The following TMEM132C variants were observed in gnomAD, a reference collection of about 807,000 sequenced individuals.
TMEM132C encodes protein phosphatase 1, regulatory subunit 152.
A neutral mutation model predicts 61.4 loss-of-function variants in TMEM132C; 29 were observed. That is an observed-to-expected ratio of 0.47 (90% confidence interval 0.35 to 0.64). The LOEUF is 0.64. Ranked by LOEUF, TMEM132C falls within the 30% of genes least tolerant of loss-of-function variation. The pLI is 0.00. For missense variants in TMEM132C, 1,408 were observed against 1,476.9 expected (o/e 0.95, Z 0.76); for synonymous variants, 656 against 633.1 (o/e 1.04, Z -0.54).
intron 1 of TMEM132C, among the ~76,000 whole-genome samples, chr12:128,348,287 T>C (rs541283086): frequency 6.6e-6 from 1 of 152,276 alleles, no homozygotes; most frequent in Non-Finnish European, 1.5e-5. Context: ...TTGTGTATCC[T>C]GTAACTCTAC....
At position 128,415,702 on chromosome 12, in the gene TMEM132C, GGAAGCATC is replaced by G. The variant is rs1478339237; in HGVS notation, c.974+85_974+92del. ...TCCATGCGTGGCAGATAGATATTCA[GGAAGCATC>G]GATTTTCACTACCTTCAGGGACCGT... On this transcript the variant is annotated intron_variant, in intron 2 of 8. Coordinates refer to ENST00000435159, the MANE Select transcript of TMEM132C (RefSeq NM_001136103.3). This position sits in a 1 kb window ranked among gnomAD's most constrained non-coding sequence, Gnocchi z 5.8. 29 of 1,415,418 alleles carry G rather than the reference GGAAGCATC, an allele frequency of 2.0e-5. No homozygotes were observed. Among genetic ancestry groups the G allele is most frequent in the Non-Finnish European group, 2.7e-5 (29 of 1,069,102 alleles). 87.7% of individuals were successfully genotyped at this position (1,415,418 alleles called of 1,614,324 possible).
intron 2 of TMEM132C, among the ~76,000 whole-genome samples, chr12:128,434,522 A>G (rs2136041201): frequency 6.6e-6 from 1 of 152,220 alleles, no homozygotes; most frequent in Admixed American, 6.5e-5. Flanking sequence ...TCCTGACCTC[A>G]AGTGATCCGC....
At chr12:128,595,671 G>T (rs1875917242) in intron 3 of TMEM132C, among the ~76,000 whole-genome samples, 2 of 152,218 alleles carry the variant, frequency 1.3e-5, no homozygotes, top group South Asian at 4.1e-4. Flanking sequence ...AGCTGCCTTT[G>T]CCAGGGCCTC....
At chr12:128,596,062 C>T (rs558833489) in intron 3 of TMEM132C, among the ~76,000 whole-genome samples, 1 of 152,214 alleles carries the variant, frequency 6.6e-6, no homozygotes, top group East Asian at 1.9e-4. Flanking sequence ...CTGGGCTGCC[C>T]CTTTTGCAGG....
intron 1 of TMEM132C, among the ~76,000 whole-genome samples, chr12:128,291,109 G>C (rs539795615): frequency 5.3e-5 from 8 of 152,250 alleles, no homozygotes; most frequent in Non-Finnish European, 1.0e-4. Context: ...TGGATGACCC[G>C]AGCAGCACAG....
chr12:128,527,634 G>T (rs1356743871), intron 2 of TMEM132C, among the ~76,000 whole-genome samples: 1 of 152,134 alleles, frequency 6.6e-6, no homozygotes, highest in African/African-American at 2.4e-5. Context: ...TGACCAAAGA[G>T]AAGTCTGGTT....
chr12:128,515,643 C>A (rs1437863535), intron 2 of TMEM132C, among the ~76,000 whole-genome samples: 4 of 152,082 alleles, frequency 2.6e-5, no homozygotes, highest in Non-Finnish European at 5.9e-5. Context: ...ACCGTCCTGG[C>A]TAACACAGTA....
At chr12:128,558,481 C>A (rs1874404529) in intron 3 of TMEM132C, among the ~76,000 whole-genome samples, 1 of 152,348 alleles carries the variant, frequency 6.6e-6, no homozygotes, top group Admixed American at 6.5e-5. Flanking sequence ...GACTTTGCTC[C>A]TCCTTTGCCT....
chr12:128,558,116 C>T (rs1002397264), intron 3 of TMEM132C, among the ~76,000 whole-genome samples: 5 of 152,154 alleles, frequency 3.3e-5, no homozygotes, highest in Admixed American at 6.5e-5. Context: ...TGAGGGGTGC[C>T]CACCTGGAGT....
intron 1 of TMEM132C, among the ~76,000 whole-genome samples, chr12:128,293,663 G>T (rs1443539304): frequency 1.3e-5 from 2 of 152,084 alleles, no homozygotes; most frequent in Admixed American, 6.5e-5. Flanking sequence ...CAGGAGTGGA[G>T]CCCATTTGTA....
intron 8 of TMEM132C, among the ~76,000 whole-genome samples, chr12:128,702,988 C>T (rs1954814137): frequency 6.6e-6 from 1 of 152,020 alleles, no homozygotes; most frequent in South Asian, 2.1e-4. Flanking sequence ...GGTGAGTCAT[C>T]ATGGTCTTTG....
intron 4 of TMEM132C, among the ~76,000 whole-genome samples, chr12:128,643,914 G>C (rs1489125510): frequency 6.6e-6 from 1 of 152,000 alleles, no homozygotes; most frequent in Non-Finnish European, 1.5e-5. Context: ...AAAAAAGCAA[G>C]GTCTAAATAT....
At chr12:128,443,132 T>C (rs1869855205) in intron 2 of TMEM132C, among the ~76,000 whole-genome samples, 1 of 151,672 alleles carries the variant, frequency 6.6e-6, no homozygotes, top group African/African-American at 2.4e-5. Context: ...CGTATACATA[T>C]ATATATATTG....
intron 5 of TMEM132C, among the ~76,000 whole-genome samples, chr12:128,678,349 C>T (rs1234599753): frequency 1.3e-5 from 2 of 152,168 alleles, no homozygotes; most frequent in Non-Finnish European, 2.9e-5. Flanking sequence ...CTTGGGGTCC[C>T]TGCTGTAAAG....
At chr12:128,382,040 C>CTTTT (rs113830900) in intron 1 of TMEM132C, among the ~76,000 whole-genome samples, 1 of 141,080 alleles carries the variant, frequency 7.1e-6, no homozygotes. Context: ...TTGTTATTCG[C>CTTTT]TTTTTTTTTT....
At chr12:128,372,345 T>A (rs1874052463) in intron 1 of TMEM132C, among the ~76,000 whole-genome samples, 1 of 152,250 alleles carries the variant, frequency 6.6e-6, no homozygotes, top group Non-Finnish European at 1.5e-5. Context: ...CTGCCTCATG[T>A]AACTGGAAGT....
chr12:128,365,026 C>G (rs1043716544), intron 1 of TMEM132C, among the ~76,000 whole-genome samples: 11 of 152,156 alleles, frequency 7.2e-5, no homozygotes, highest in African/African-American at 2.7e-4. Flanking sequence ...TCAGATCAAC[C>G]CCTCTCTGTT....
chr12:128,320,019 G>A (rs544062475), intron 1 of TMEM132C, among the ~76,000 whole-genome samples: 1 of 152,096 alleles, frequency 6.6e-6, no homozygotes, highest in South Asian at 2.1e-4. Context: ...CAAGGATATT[G>A]AAAAAGAAAG....
At chr12:128,443,080 G>GTT (rs1869852617) in intron 2 of TMEM132C, among the ~76,000 whole-genome samples, 1 of 151,690 alleles carries the variant, frequency 6.6e-6, no homozygotes. Context: ...ACTTTCAAAT[G>GTT]GCTCATTAAA....
Sources: gnomAD v4.1 joint callset for allele counts (sites outside exome capture counted in the v4.1 genomes callset) on GRCh38, gnomAD v4.1.1 for gene constraint, Gnocchi (gnomAD v3.1) non-coding constraint, MANE v1.5 for transcripts, NCBI Gene and HGNC (gene_info 2026-07-23, HGNC 2026-07-21) for gene names.